Variants in C8orf34 observed in about 807,000 individuals in gnomAD.
C8orf34 encodes chromosome 8 open reading frame 34.
A neutral mutation model predicts 68.3 loss-of-function variants in C8orf34; 65 were observed. The ratio of observed to expected loss-of-function variants is 0.95; its 90% confidence interval spans 0.78 to 1.17. C8orf34 has a LOEUF of 1.17. Ranked by LOEUF, C8orf34 falls within the 50% of genes most tolerant of loss-of-function variation. The pLI, the probability that C8orf34 is intolerant of heterozygous loss-of-function variation, is 0.00. For synonymous variants in C8orf34, 244 were observed against 241.2 expected (o/e 1.01, Z -0.11); for missense variants, 664 against 655.4 (o/e 1.01, Z -0.14).
At chr8:68,470,447 C>G (rs1429891156) in intron 4 of C8orf34, among the ~76,000 whole-genome samples, 3 of 151,978 alleles carry the variant, frequency 2.0e-5, no homozygotes, top group Admixed American at 6.6e-5. Flanking sequence ...TTGCTGTGTT[C>G]CCCCAAATTT....
chr8:68,521,370 T>C (rs577415548), intron 5 of C8orf34, among the ~76,000 whole-genome samples: 16 of 152,312 alleles, frequency 1.1e-4, no homozygotes, highest in African/African-American at 3.4e-4. Context: ...TTGGAGGCAA[T>C]ACACCCTTCG....
chr8:68,624,750 T>C (rs1334111694), intron 7 of C8orf34, among the ~76,000 whole-genome samples: 2 of 152,160 alleles, frequency 1.3e-5, no homozygotes, highest in Non-Finnish European at 2.9e-5. Context: ...TATTTATTTA[T>C]TATTTTTTGA....
chr8:68,789,190 C>G (rs983724828), intron 12 of C8orf34, among the ~76,000 whole-genome samples: 18 of 152,124 alleles, frequency 1.2e-4, no homozygotes, highest in Admixed American at 3.9e-4. Flanking sequence ...TTAAAAAAAA[C>G]CTTCAAGCAC....
chr8:68,430,959 A>G (rs1325526941), intron 1 of C8orf34, among the ~76,000 whole-genome samples: 1 of 152,124 alleles, frequency 6.6e-6, no homozygotes, highest in Non-Finnish European at 1.5e-5. Flanking sequence ...TGTTTTATGC[A>G]GTTTTTCTAC....
chr8:68,817,764 G>T (rs184031744), intron 13 of C8orf34, among the ~76,000 whole-genome samples: 1 of 152,216 alleles, frequency 6.6e-6, no homozygotes, highest in Admixed American at 6.5e-5. Context: ...CATGGCTGGG[G>T]AGACCTCAGG....
chr8:68,757,615 C>T (rs529162299), intron 10 of C8orf34, among the ~76,000 whole-genome samples: 7 of 150,756 alleles, frequency 4.6e-5, no homozygotes, highest in East Asian at 4.1e-4. Flanking sequence ...AGTGAGACTC[C>T]GTCTCAAAAA....
Position 68,340,184 on chromosome 8 carries a change from T to G in C8orf34, c.327+8845T>G, listed in dbSNP as rs533208193. On this transcript the variant is annotated intron_variant, in intron 1 of 13. Transcript: ENST00000518698. ...GGGAATGCAAAATGGTCCAACCACTTTGGAAAAAAGTTTGGCAAGTGAGGT... is the reference window on the plus strand; with the variant it reads ...GGGAATGCAAAATGGTCCAACCACTGTGGAAAAAAGTTTGGCAAGTGAGGT... Among the ~76,000 whole-genome samples the G allele has an allele frequency of 7.9e-5, 12 of 152,034 alleles. No homozygotes were observed. In the South Asian group the frequency reaches 2.5e-3, roughly 31 times the overall value.
At chr8:68,810,895 T>C (rs1237040500) in intron 12 of C8orf34, among the ~76,000 whole-genome samples, 1 of 152,130 alleles carries the variant, frequency 6.6e-6, no homozygotes, top group African/African-American at 2.4e-5. Context: ...GGTCCATGCG[T>C]GCGCCTAGGA....
intron 12 of C8orf34, chr8:68,790,850 G>C (rs1282939119): frequency 4.3e-6 from 3 of 701,342 alleles, no homozygotes; most frequent in Non-Finnish European, 7.8e-6. Context: ...CTGGGACTCT[G>C]AATTCTGCAT....
At chr8:68,581,128 G>A (rs1817052312) in intron 7 of C8orf34, among the ~76,000 whole-genome samples, 1 of 152,098 alleles carries the variant, frequency 6.6e-6, no homozygotes, top group African/African-American at 2.4e-5. Context: ...GGACACGAGG[G>A]CCTTCATAAT....
chr8:68,397,855 A>C, intron 1 of C8orf34, among the ~76,000 whole-genome samples: 1 of 151,784 alleles, frequency 6.6e-6, no homozygotes, highest in Admixed American at 6.6e-5. Flanking sequence ...TGCAACCTCC[A>C]CCTCCTGGGA....
chr8:68,623,817 C>T (rs551199244), intron 7 of C8orf34, among the ~76,000 whole-genome samples: 2 of 152,128 alleles, frequency 1.3e-5, no homozygotes, highest in South Asian at 4.1e-4. Context: ...ACTCACATGA[C>T]CTAATTATTC....
chr8:68,452,118 G>T (rs964634381), intron 3 of C8orf34, among the ~76,000 whole-genome samples: 9 of 151,788 alleles, frequency 5.9e-5, no homozygotes, highest in African/African-American at 1.5e-4. Context: ...CCATTCATCT[G>T]CTGATGGGTA....
At chr8:68,783,832 A>G (rs894084080) in intron 11 of C8orf34, among the ~76,000 whole-genome samples, 1 of 152,176 alleles carries the variant, frequency 6.6e-6, no homozygotes, top group Non-Finnish European at 1.5e-5. Flanking sequence ...TGGCAAAAAA[A>G]ACTTTCTAAA....
In C8orf34 at chr8:68,804,792, TAAAC is replaced by T. The variant is rs561084820; in HGVS notation, c.1550-11082_1550-11079del. Among the ~76,000 whole-genome samples, 849 of 152,048 alleles carry T rather than the reference TAAAC, an allele frequency of 5.6e-3. 9 individuals carry two copies. The highest frequency in any genetic ancestry group is 0.019 in the African/African-American group (798 of 41,454). ...AAGACCCTGCCTCAAAATAAATAAA[TAAAC>T]AAACAAACAAATAAATAAATAAATA... is the stretch of plus-strand genomic sequence containing the variant. On this transcript the variant is annotated intron_variant, in intron 12 of 13. Coordinates refer to ENST00000518698, the MANE Select transcript of C8orf34 (RefSeq NM_052958.4).
At chr8:68,607,414 C>T (rs924834214) in intron 7 of C8orf34, among the ~76,000 whole-genome samples, 24 of 152,114 alleles carry the variant, frequency 1.6e-4, no homozygotes, top group Non-Finnish European at 2.6e-4. Context: ...GCCGCCTTTT[C>T]ACTATATCTT....
At chr8:68,660,311 T>C (rs1295825716) in intron 8 of C8orf34, among the ~76,000 whole-genome samples, 1 of 152,126 alleles carries the variant, frequency 6.6e-6, no homozygotes, top group Non-Finnish European at 1.5e-5. Flanking sequence ...ACCAGGGGTA[T>C]GTGAGGGAGA....
chr8:68,790,033 G>A (rs186482172), intron 12 of C8orf34, among the ~76,000 whole-genome samples: 60 of 152,282 alleles, frequency 3.9e-4, no homozygotes, highest in Non-Finnish European at 8.7e-4. Flanking sequence ...TAATTGGGTA[G>A]TAATGGGAGC....
intron 1 of C8orf34, among the ~76,000 whole-genome samples, chr8:68,381,708 C>T (rs1256470762): frequency 1.6e-5 from 2 of 124,028 alleles, no homozygotes; most frequent in African/African-American, 6.3e-5. Flanking sequence ...GTCCGCAGTC[C>T]GGCCTGGGCG....
Sources: gnomAD v4.1 joint callset for allele counts (sites outside exome capture counted in the v4.1 genomes callset) on GRCh38, gnomAD v4.1.1 for gene constraint, MANE v1.5 for transcripts, NCBI Gene and HGNC (gene_info 2026-07-23, HGNC 2026-07-21) for gene names.